The following BAIAP3 variants were observed in gnomAD, a reference collection of about 807,000 sequenced individuals.
BAIAP3 encodes BAI1 associated protein 3.
BAIAP3 carries 180 observed loss-of-function variants against 149.7 expected under a neutral mutation model. The ratio of observed to expected loss-of-function variants is 1.20; its 90% CI spans 1.07 to 1.36. The LOEUF (loss-of-function observed/expected upper bound fraction) is 1.36. Ranked by LOEUF, BAIAP3 falls within the 40% of genes most tolerant of loss-of-function variation. BAIAP3 has a pLI of 0.00. For synonymous variants in BAIAP3, 845 were observed against 670.7 expected (o/e 1.26, Z -4.02); for missense variants, 1,767 against 1,563.4 (o/e 1.13, Z -2.20).
chr16:1,346,246 AG>A lies in BAIAP3; in HGVS notation c.2383del (p.Ala795ProfsTer30). 1 of 1,611,604 alleles carries A rather than the reference AG, an allele frequency of 6.2e-7. No homozygotes were observed. The highest frequency in any genetic ancestry group is 8.5e-7 in the Non-Finnish European group (1 of 1,179,342). On this transcript the variant is annotated frameshift_variant, in exon 25 of 34. Coordinates refer to ENST00000426824, the MANE Select transcript of BAIAP3 (RefSeq NM_001199097.2). LOFTEE classifies it high-confidence loss of function. ...GCCTTGAAGGGCCTGGCATGGCCAG[AG>A]GGGGCCACGGGGCCCGAGGGGGTGC... ...GQALKGLAWPEGATGPEGVLP... is the reference protein window; with the variant it reads ...GQALKGLAWPXGATGPEGVLP...
At chr16:1,338,514 G>T in intron 1 of BAIAP3, 26 bp from the exon 2 acceptor site, 1 of 1,587,606 alleles carries the variant, frequency 6.3e-7, no homozygotes, top group African/African-American at 1.3e-5. Flanking sequence ...ACGACCTGAG[G>T]CTGCGGGCTG....
At chr16:1,336,413 G>A (rs918557950) in intron 1 of BAIAP3, 5 of 983,650 alleles carry the variant, frequency 5.1e-6, no homozygotes, top group East Asian at 1.1e-4. Context: ...AGTCCCCCCC[G>A]CAAGCATTGC....
At position 1,346,700 on chromosome 16, in the gene BAIAP3, G is replaced by GTGGGATGGGCTGGGC; in HGVS notation, c.2642+20_2642+34dup. ...ACCTGAGCAGGTGCGGGCGGGTGGG[G>GTGGGATGGGCTGGGC]TGGGATGGGCTGGGCTGGCCCGTGG... On this transcript the variant is annotated intron_variant, in intron 27 of 33. Transcript: ENST00000426824. The GTGGGATGGGCTGGGC allele has an allele frequency of 6.6e-7, 1 of 1,523,990 alleles. No individual in the cohort carries two copies. Among genetic ancestry groups the GTGGGATGGGCTGGGC allele is most frequent in the South Asian group, 1.2e-5 (1 of 83,570 alleles). The allele number at this position is 1,523,990 out of a possible 1,614,324, so 94.4% of individuals were successfully genotyped here.
rs2034587855 is a variant in BAIAP3, at chr16:1,349,228, C to T, written c.*746C>T. 2 of 627,228 alleles carry T rather than the reference C, an allele frequency of 3.2e-6. No individual in the cohort carries two copies. The highest frequency in any genetic ancestry group is 5.7e-6 in the Non-Finnish European group (2 of 353,246). 38.9% of individuals were successfully genotyped at this position (627,228 alleles called of 1,614,324 possible). ...CCCCAGGCCCAGTGTGAAAAACAGA[C>T]TCACAAGGGGCTTCTTGGCCTGCAG... On this transcript the variant is annotated 3_prime_UTR_variant, in exon 34 of 34. Transcript: ENST00000426824.
Position 1,339,590 on chromosome 16 carries a change from G to T in BAIAP3, c.395G>T (p.Ser132Ile). 6.2e-7 allele frequency: 1 copy of T among 1,611,796 alleles called. No homozygotes were observed. The highest frequency in any genetic ancestry group is 8.5e-7 in the Non-Finnish European group (1 of 1,179,526). ...GTGGACGACGAGGAGGCCCTGCTCA[G>T]CTATCTCCAGCAGGTCAGCCCACCC... is the stretch of plus-strand genomic sequence containing the variant. The part of the protein sequence containing the change: ...DQVDDEEALL[S>I]YLQQVFGTSL... Residue 132 changes from serine to isoleucine, a missense_variant, in exon 5 of 34, where the codon AGC becomes ATC. Ser to Ile is a moderately radical substitution (Grantham distance 142). Coordinates refer to ENST00000426824, the MANE Select transcript of BAIAP3 (RefSeq NM_001199097.2).
rs1272178849 is a variant in BAIAP3, at chr16:1,345,790, C to G, written c.2108C>G (p.Ala703Gly). The change falls in exon 23 of 34, where the codon GCC becomes GGC. Residue 703 changes from alanine to glycine, a missense_variant. Transcript: ENST00000426824. ...DASSRHSSSA[A>G]TAGLCLSHIQ... ...TCCTCCAGGCACAGCAGCTCCGCAG[C>G]CACTGCTGGTCTCTGCCTCAGCCAC... 1.9e-6 allele frequency: 3 copies of G among 1,570,322 alleles called. No individual in the cohort carries two copies. In the South Asian group the frequency reaches 3.5e-5, roughly 18 times the overall value.
At chr16:1,338,404 G>A (rs970397999) in intron 1 of BAIAP3, 136 bp from the exon 2 acceptor site, 1 of 1,166,188 alleles carries the variant, frequency 8.6e-7, no homozygotes, top group Non-Finnish European at 1.2e-6. Flanking sequence ...GGTGCCCAGC[G>A]CCATCCAGGC....
intron 5 of BAIAP3, among the ~76,000 whole-genome samples, 178 bp downstream of exon 5, chr16:1,339,781 G>GACACGC (rs2033734058): frequency 1.4e-5 from 2 of 142,406 alleles, no homozygotes; most frequent in Non-Finnish European, 3.0e-5. Flanking sequence ...GGTGCACACA[G>GACACGC]ACACACGCAC....
In BAIAP3 at chr16:1,344,830, TC is replaced by T; in HGVS notation, c.1792del (p.Arg598GlyfsTer14). On this transcript the variant is annotated frameshift_variant, in exon 20 of 34. Transcript: ENST00000426824. LOFTEE classifies it high-confidence loss of function. ...AATGTGGACGTCTTCACCCTGACCT[TC>T]CGGCAGCTGGAGCGTCTGGTGAGGA... ...ILNVDVFTLT[F>X]RQLERLVAEE... is the part of the protein sequence containing the mutation. 6.2e-7 allele frequency: 1 copy of T among 1,613,750 alleles called. No individual in the cohort carries two copies. Among genetic ancestry groups the T allele is most frequent in the Non-Finnish European group, 8.5e-7 (1 of 1,180,000 alleles).
In BAIAP3 at chr16:1,348,623, C is replaced by T. The variant is rs543040325; in HGVS notation, c.*141C>T. 1,257 of 800,436 alleles carry T rather than the reference C, an allele frequency of 1.6e-3. 6 individuals carry two copies. The highest frequency in any genetic ancestry group is 2.5e-3 in the South Asian group (148 of 59,386). The allele number at this position is 800,436 out of a possible 1,614,324, so 49.6% of individuals were successfully genotyped here. A position where few individuals can be genotyped will look rare whatever the true frequency, so the allele number is the denominator to read the frequency against. On this transcript the variant is annotated 3_prime_UTR_variant, in exon 34 of 34. Transcript: ENST00000426824. ...GACGTGTGTGTCGTGGCTGGCCCCG[C>T]GGCGCCTACCGCCCTGGCCGTGTCT... is the stretch of plus-strand genomic sequence containing the variant.
In BAIAP3 at chr16:1,343,074, C is replaced by T. The variant is rs2034038909; in HGVS notation, c.1265+58C>T. On this transcript the variant is annotated intron_variant, in intron 14 of 33. Coordinates refer to ENST00000426824, the MANE Select transcript of BAIAP3 (RefSeq NM_001199097.2). ...TGTGGGCGGGCGTGAGCGAGTGGGG[C>T]ATCGGGGGCCATGCGGTGAGTGGAT... 4 of 1,336,752 alleles carry T rather than the reference C, an allele frequency of 3.0e-6. No homozygotes were observed. In the South Asian group the frequency reaches 3.7e-5, roughly 12 times the overall value. The allele number at this position is 1,336,752 out of a possible 1,614,324, so 82.8% of individuals were successfully genotyped here.
rs796854566 is a variant in BAIAP3, at chr16:1,339,812, GAC to G, written c.408+219_408+220del. ...CGCACACAGGCTGCAGGTGCACACA[GAC>G]ACACACACAGGCTGCAGGTGCACAC... is the stretch of plus-strand genomic sequence containing the variant. On this transcript the variant is annotated intron_variant, in intron 5 of 33. Transcript: ENST00000426824. 6.3e-3 allele frequency among the ~76,000 whole-genome samples: 800 copies of G among 126,660 alleles called. 17 individuals are homozygous for G. Among genetic ancestry groups the G allele is most frequent in the African/African-American group, 0.023 (724 of 31,706 alleles). The allele number at this position is 126,660 out of a possible 152,430, so 83.1% of individuals were successfully genotyped here.
At position 1,341,214 on chromosome 16, in the gene BAIAP3, G is replaced by A. The variant is rs1425359177; in HGVS notation, c.535+19G>A. 1 of 1,610,498 alleles carries A rather than the reference G, an allele frequency of 6.2e-7. No individual in the cohort carries two copies. The highest frequency in any genetic ancestry group is 1.3e-5 in the African/African-American group (1 of 74,972). On this transcript the variant is annotated intron_variant, in intron 7 of 33. Transcript: ENST00000426824. ...CCCAACGGTGAGTGGGGACCCAGCA[G>A]ACCTCGGCTGCGCCGAGGCCTGGCG...
chr16:1,346,544 T>C (rs1286857781), intron 26 of BAIAP3, 34 bp downstream of exon 26: 1 of 1,592,366 alleles, frequency 6.3e-7, no homozygotes, highest in African/African-American at 1.3e-5. Flanking sequence ...TGGAGGACTG[T>C]GTGTACTGGG....
At chr16:1,335,464 G>A (rs2033393417) in intron 1 of BAIAP3, among the ~76,000 whole-genome samples, 1 of 152,098 alleles carries the variant, frequency 6.6e-6, no homozygotes, top group African/African-American at 2.4e-5. Flanking sequence ...GGGAAAGACG[G>A]GGGGTCCCCT....
At chr16:1,343,301 G>A in intron 14 of BAIAP3, 92 bp from the exon 15 acceptor site, 3 of 1,499,464 alleles carry the variant, frequency 2.0e-6, no homozygotes, top group Non-Finnish European at 2.7e-6. Flanking sequence ...CTGATTGGGT[G>A]GGGCAGAGAA....
intron 1 of BAIAP3, chr16:1,336,182 A>G (rs1344096560): frequency 6.1e-6 from 6 of 984,464 alleles, no homozygotes; most frequent in Non-Finnish European, 7.2e-6. Flanking sequence ...CAACAGCTCC[A>G]GCAGCGGCTG....
chr16:1,335,791 AG>A (rs917750285), intron 1 of BAIAP3, among the ~76,000 whole-genome samples: 5 of 152,160 alleles, frequency 3.3e-5, no homozygotes, highest in Admixed American at 1.3e-4. Flanking sequence ...AGTTGGGGTC[AG>A]GGGGGCTGGC....
At chr16:1,340,393 G>A (rs1161240389) in intron 5 of BAIAP3, among the ~76,000 whole-genome samples, 1 of 108,158 alleles carries the variant, frequency 9.2e-6, no homozygotes, top group African/African-American at 3.3e-5. Context: ...ACAGGTTGCA[G>A]GTGCACACAG....
Sources: allele counts gnomAD v4.1 joint callset (sites outside exome capture counted in the v4.1 genomes callset), GRCh38; gene constraint gnomAD v4.1.1; transcripts MANE v1.5; gene names NCBI Gene and HGNC (gene_info 2026-07-23, HGNC 2026-07-21).